Variants in KIAA0586 observed in about 807,000 individuals in gnomAD.
KIAA0586 encodes the protein KIAA0586, also known as protein TALPID3.
Under a neutral mutation model 169.8 loss-of-function variants are expected in KIAA0586, and 144 were observed. That is an observed-to-expected ratio of 0.85 (90% confidence interval 0.74 to 0.97). The LOEUF (loss-of-function observed/expected upper bound fraction) is 0.97. KIAA0586 is among the 50% of genes least tolerant of loss of function. The pLI is 0.00. For missense variants in KIAA0586, 1,854 were observed against 1,823.0 expected (o/e 1.02, Z -0.31); for synonymous variants, 625 against 612.4 (o/e 1.02, Z -0.30).
intron 29 of KIAA0586, among the ~76,000 whole-genome samples, chr14:58,515,222 T>C (rs138764393): frequency 7.9e-4 from 121 of 152,260 alleles, no homozygotes; most frequent in Non-Finnish European, 1.2e-3. Flanking sequence ...GTTTTTCTTA[T>C]TTGTAGATTA....
chr14:58,478,312 G>A (rs930054892), intron 20 of KIAA0586, among the ~76,000 whole-genome samples: 12 of 152,134 alleles, frequency 7.9e-5, no homozygotes, highest in East Asian at 3.9e-4. Context: ...GTGAAACCCC[G>A]TCTCTATGAA....
intron 28 of KIAA0586, among the ~76,000 whole-genome samples, chr14:58,509,855 CTTCTG>C (rs76599907): frequency 0.026 from 3,904 of 152,222 alleles, 66 homozygotes; most frequent in Middle Eastern, 0.061. Context: ...AAAATAAGAA[CTTCTG>C]TTCTTCAAAA....
intron 30 of KIAA0586, among the ~76,000 whole-genome samples, chr14:58,542,678 T>C (rs1052250659): frequency 6.6e-6 from 1 of 152,112 alleles, no homozygotes; most frequent in Non-Finnish European, 1.5e-5. Flanking sequence ...ACATTCTTAT[T>C]CCTCCTTCTA....
chr14:58,485,263 A>G (rs907007588), intron 21 of KIAA0586, among the ~76,000 whole-genome samples: 1 of 151,896 alleles, frequency 6.6e-6, no homozygotes, highest in Admixed American at 6.6e-5. Context: ...CAGACAGTTC[A>G]TATACATAGA....
chr14:58,432,453 CA>C lies in KIAA0586; in HGVS notation c.410del (p.Ala138LeufsTer10). On this transcript the variant is annotated frameshift_variant, in exon 4 of 31. Coordinates refer to ENST00000652326, the MANE Select transcript of KIAA0586 (RefSeq NM_001329943.3). LOFTEE classifies it high-confidence loss of function. The stretch of plus-strand genomic sequence containing the variant: ...AGATGCTCTAAGAACAGTTTTAAAG[CA>C]AAAGTAAGTTTCATTTACAGAAAAT... ...QKDALRTVLK[Q>X]KAQSMPVFKE... 1 of 1,524,376 alleles carries C rather than the reference CA, an allele frequency of 6.6e-7. No individual in the cohort carries two copies. The highest frequency in any genetic ancestry group is 8.9e-7 in the Non-Finnish European group (1 of 1,118,942). 94.4% of individuals were successfully genotyped at this position (1,524,376 alleles called of 1,614,324 possible).
At chr14:58,524,404 C>T (rs1021069635) in intron 29 of KIAA0586, among the ~76,000 whole-genome samples, 45 of 152,186 alleles carry the variant, frequency 3.0e-4, no homozygotes, top group African/African-American at 9.9e-4. Flanking sequence ...TAGAATTCTC[C>T]GGGAGTATTT....
rs532936546 is a variant in KIAA0586 at position 58,512,362 on chromosome 14, C to G, written c.4324-160C>G. On this transcript the variant is annotated intron_variant, in intron 28 of 30. Transcript: ENST00000652326. ...TCTTTTGTAATAGGTACCTCATCAC[C>G]TATTTATTGGTAGAAGTGCGAATAA... Among the ~76,000 whole-genome samples the G allele has an allele frequency of 3.3e-5, 5 of 151,840 alleles. No individual in the cohort carries two copies. In the South Asian group the frequency reaches 8.3e-4, roughly 25 times the overall value.
intron 29 of KIAA0586, among the ~76,000 whole-genome samples, chr14:58,513,181 T>C (rs2044514796): frequency 6.6e-6 from 1 of 152,074 alleles, no homozygotes; most frequent in Non-Finnish European, 1.5e-5. Flanking sequence ...GTTGGCCTTG[T>C]GTTTTGTTTG....
rs543598659 is a variant in KIAA0586, at chr14:58,454,498, C to G, written c.1253+1025C>G. 2.0e-5 allele frequency among the ~76,000 whole-genome samples: 3 copies of G among 152,254 alleles called. No individual in the cohort carries two copies. In the South Asian group the frequency reaches 6.2e-4, roughly 32 times the overall value. ...ATTCAACTATATAGTTCATCTTTAA[C>G]AGTACTCTATTTCTTCATATGGATT... On this transcript the variant is annotated intron_variant, in intron 9 of 30. Coordinates refer to ENST00000652326, the MANE Select transcript of KIAA0586 (RefSeq NM_001329943.3).
chr14:58,506,733 A>G (rs578198131), intron 27 of KIAA0586, among the ~76,000 whole-genome samples: 2 of 152,286 alleles, frequency 1.3e-5, no homozygotes, highest in East Asian at 3.9e-4. Flanking sequence ...GCTTTATGTA[A>G]AAGCCCATTG....
intron 29 of KIAA0586, among the ~76,000 whole-genome samples, chr14:58,516,046 T>A (rs1366820692): frequency 6.6e-6 from 1 of 152,114 alleles, no homozygotes; most frequent in East Asian, 1.9e-4. Context: ...CAGAGCATGG[T>A]TACAGGAAGA....
intron 23 of KIAA0586, 95 bp downstream of exon 23, chr14:58,488,204 A>G (rs1405412150): frequency 4.0e-6 from 4 of 1,009,134 alleles, no homozygotes; most frequent in Non-Finnish European, 5.8e-6. Flanking sequence ...ACAAAGCTTT[A>G]TAAACCACAG....
At chr14:58,487,844 C>A in intron 22 of KIAA0586, 43 bp from the exon 23 acceptor site, 1 of 1,364,512 alleles carries the variant, frequency 7.3e-7, no homozygotes, top group Non-Finnish European at 1.0e-6. Context: ...GAGTTCTTTA[C>A]TGACTACTAT....
chr14:58,470,379 ATCT>A (rs993607777), intron 16 of KIAA0586, among the ~76,000 whole-genome samples: 1 of 152,140 alleles, frequency 6.6e-6, no homozygotes, highest in Non-Finnish European at 1.5e-5. Flanking sequence ...AAATGAAGTC[ATCT>A]TAAGATAGAA....
chr14:58,497,485 A>G (rs1176681019), intron 26 of KIAA0586, among the ~76,000 whole-genome samples: 1 of 150,354 alleles, frequency 6.7e-6, no homozygotes, highest in Non-Finnish European at 1.5e-5. Flanking sequence ...TCAGCCTCCC[A>G]GGTAGCTGGG....
intron 12 of KIAA0586, 129 bp downstream of exon 12, chr14:58,458,674 T>G: frequency 1.8e-6 from 1 of 551,168 alleles, no homozygotes. Flanking sequence ...AATTTAATTG[T>G]CACTCTTTAT....
intron 29 of KIAA0586, among the ~76,000 whole-genome samples, chr14:58,516,585 A>G (rs1407792349): frequency 1.3e-5 from 2 of 152,222 alleles, no homozygotes; most frequent in East Asian, 1.9e-4. Flanking sequence ...AAATTGATCT[A>G]TAGATTCAGT....
chr14:58,488,655 A>T lies in KIAA0586; in HGVS notation c.3562A>T (p.Ser1188Cys), dbSNP rs781014789. 6 of 1,613,766 alleles carry T rather than the reference A, an allele frequency of 3.7e-6. No individual in the cohort carries two copies. Among genetic ancestry groups the T allele is most frequent in the African/African-American group, 2.7e-5 (2 of 74,900 alleles). ...TGTGGCTAAGGATGAAGAACCAGAG[A>T]GTATGGATTTCCCTGCTCAGCCTCC... Reference protein sequence around the residue: ...MSVAKDEEPESMDFPAQPPPP... With the variant: ...MSVAKDEEPECMDFPAQPPPP... Residue 1188 changes from serine to cysteine, a missense_variant, in exon 24 of 31, where the codon AGT (serine) becomes TGT (cysteine). Physicochemically the swap from Ser to Cys is moderately radical, Grantham distance 112. Transcript: ENST00000652326.
chr14:58,536,977 T>C, intron 29 of KIAA0586: 1 of 1,237,484 alleles, frequency 8.1e-7, no homozygotes, highest in Non-Finnish European at 1.1e-6. Context: ...ATCTTTTGAC[T>C]TCAATACCAG....
Sources: gnomAD v4.1 joint callset for allele counts (sites outside exome capture counted in the v4.1 genomes callset) on GRCh38, gnomAD v4.1.1 for gene constraint, MANE v1.5 for transcripts, NCBI Gene and HGNC (gene_info 2026-07-23, HGNC 2026-07-21) for gene names.